PDHX: variants seen among roughly 807,000 people sequenced by gnomAD.
PDHX encodes pyruvate dehydrogenase protein X component, mitochondrial.
PDHX carries 33 observed loss-of-function variants against 55.3 expected under a neutral mutation model. That is an observed-to-expected ratio of 0.60 (90% CI 0.45 to 0.80). The LOEUF is 0.80. Among genes scored for constraint, PDHX ranks in the 30% least tolerant of loss-of-function variants. The pLI, the probability that PDHX is intolerant of heterozygous loss-of-function variation, is 0.00. For missense variants in PDHX, 622 were observed against 619.9 expected (o/e 1.00, Z -0.04); for synonymous variants, 226 against 219.4 (o/e 1.03, Z -0.27).
chr11:34,940,948 A>G (rs1267557210), intron 2 of PDHX, among the ~76,000 whole-genome samples: 1 of 152,216 alleles, frequency 6.6e-6, no homozygotes, highest in Non-Finnish European at 1.5e-5. Flanking sequence ...TTATTGCTAA[A>G]TCTTTGTATT....
intron 7 of PDHX, among the ~76,000 whole-genome samples, chr11:34,973,001 G>C (rs1172122395): frequency 6.6e-6 from 1 of 152,118 alleles, no homozygotes; most frequent in Non-Finnish European, 1.5e-5. Context: ...GGCCAAGCTG[G>C]TTAATAGTGT....
chr11:34,916,101 G>T (rs760871034), upstream of PDHX: 4 of 1,272,914 alleles, frequency 3.1e-6, no homozygotes, highest in African/African-American at 1.5e-5. Flanking sequence ...GGTAGCGAAC[G>T]GCCAGGCCCG....
At chr11:34,991,906 CAAAAA>C (rs1169109545) in intron 9 of PDHX, among the ~76,000 whole-genome samples, 2 of 37,314 alleles carry the variant, frequency 5.4e-5, no homozygotes, top group African/African-American at 6.2e-5. Context: ...TGAGACTTCT[CAAAAA>C]AAAAAAAAAA....
chr11:34,947,585 T>A lies in PDHX; in HGVS notation c.321T>A (p.Asp107Glu), dbSNP rs201359586. ...TGGTTACCTTAGATGCAAGTGATGA[T>A]GGAATCTTGGCCAAAATCGTGGTAA... ...KAVVTLDASD[D>E]GILAKIVVEE... Residue 107 changes from aspartate to glutamate, a missense_variant, in exon 3 of 11, where the codon GAT becomes GAA. Transcript: ENST00000227868. The A allele has an allele frequency of 6.2e-7, 1 of 1,611,318 alleles. No individual in the cohort carries two copies. The highest frequency in any genetic ancestry group is 2.2e-5 in the East Asian group (1 of 44,804).
intron 9 of PDHX, among the ~76,000 whole-genome samples, chr11:34,986,067 G>A (rs887834937): frequency 6.6e-6 from 1 of 152,210 alleles, no homozygotes; most frequent in Non-Finnish European, 1.5e-5. Context: ...CACTTTGGGA[G>A]GCTGAGGCAG....
chr11:34,931,878 A>C (rs1338478526), intron 2 of PDHX, among the ~76,000 whole-genome samples: 1 of 150,170 alleles, frequency 6.7e-6, no homozygotes, highest in South Asian at 2.1e-4. Context: ...GTTCATCATA[A>C]ATTTTATTGA....
At chr11:34,988,133 G>GA (rs1305794305) in intron 9 of PDHX, among the ~76,000 whole-genome samples, 1 of 152,128 alleles carries the variant, frequency 6.6e-6, no homozygotes, top group East Asian at 1.9e-4. Flanking sequence ...CGACCAGAGA[G>GA]AAAAAACTAA....
At chr11:34,950,659 AATG>A (rs1212481029) in intron 3 of PDHX, among the ~76,000 whole-genome samples, 1 of 151,522 alleles carries the variant, frequency 6.6e-6, no homozygotes, top group Non-Finnish European at 1.5e-5. Flanking sequence ...GTTTACTGAG[AATG>A]ATGATTTCCA....
At position 34,916,802 on chromosome 11, in the gene PDHX, G is replaced by A. The variant is rs1279247686; in HGVS notation, c.147G>A (p.Thr49=). The A allele has an allele frequency of 1.9e-6, 3 of 1,582,004 alleles. No individual in the cohort carries two copies. Among genetic ancestry groups the A allele is most frequent in the Non-Finnish European group, 2.6e-6 (3 of 1,164,524 alleles). Residue 49 remains threonine, a synonymous_variant, in exon 1 of 11, where the codon ACG becomes ACA. Coordinates refer to ENST00000227868, the MANE Select transcript of PDHX (RefSeq NM_003477.3). ...RGANWRWFHS[T]QWLRGDPIKI... is the part of the protein sequence containing the mutation. ...CTAATTGGAGATGGTTTCACAGCAC[G>A]CAGTGGCTTCGGGGTGAGTGGCCGG...
intron 3 of PDHX, among the ~76,000 whole-genome samples, chr11:34,951,892 A>G (rs1331096389): frequency 6.6e-6 from 1 of 152,128 alleles, no homozygotes; most frequent in South Asian, 2.1e-4. Context: ...TAAGGAAGGG[A>G]TCCAGTTTCA....
intron 2 of PDHX, among the ~76,000 whole-genome samples, chr11:34,937,128 T>C (rs533456447): frequency 1.3e-5 from 2 of 152,222 alleles, no homozygotes; most frequent in South Asian, 4.1e-4. Context: ...TTAGTAGCAT[T>C]GCGTTGAAAG....
At chr11:34,983,987 A>C (rs1422946424) in intron 8 of PDHX, among the ~76,000 whole-genome samples, 1 of 152,234 alleles carries the variant, frequency 6.6e-6, no homozygotes, top group Admixed American at 6.5e-5. Context: ...AGCCAAAAGA[A>C]CAAAGCTGGA....
chr11:34,951,776 C>G (rs1056069844), intron 3 of PDHX, among the ~76,000 whole-genome samples: 3 of 152,140 alleles, frequency 2.0e-5, no homozygotes, highest in Admixed American at 6.5e-5. Context: ...CTTGCCCATG[C>G]CTGTGTCCTG....
At chr11:34,943,648 C>T (rs1170212089) in intron 2 of PDHX, among the ~76,000 whole-genome samples, 1 of 152,140 alleles carries the variant, frequency 6.6e-6, no homozygotes, top group African/African-American at 2.4e-5. Flanking sequence ...CATTTTTGGT[C>T]TCTTCCTGCA....
At chr11:34,930,125 C>G (rs760184401) in intron 1 of PDHX, among the ~76,000 whole-genome samples, 1 of 152,140 alleles carries the variant, frequency 6.6e-6, no homozygotes, top group African/African-American at 2.4e-5. Context: ...AAGGCAGCGC[C>G]GTGTGTGTCT....
chr11:34,966,803 C>T lies in PDHX; in HGVS notation c.805C>T (p.Pro269Ser). Reference protein sequence around the residue: ...VIPPVSTPGQPNAVGTFTEIP... With the variant: ...VIPPVSTPGQSNAVGTFTEIP... ...CCCACCAGTATCAACTCCTGGACAA[C>T]CCAATGCAGTGGTAGTGTTCTCTAA... The change falls in exon 6 of 11, where the codon CCC becomes TCC. Residue 269 changes from proline to serine, a missense_variant. By Grantham distance (74) the Pro-to-Ser change is moderately conservative. Transcript: ENST00000227868. The T allele has an allele frequency of 2.5e-6, 4 of 1,613,372 alleles. No individual in the cohort carries two copies. Among genetic ancestry groups the T allele is most frequent in the Non-Finnish European group, 2.5e-6 (3 of 1,179,352 alleles).
At chr11:34,966,608 A>C in intron 5 of PDHX, 32 bp from the exon 6 acceptor site, 1 of 1,607,754 alleles carries the variant, frequency 6.2e-7, no homozygotes, top group Non-Finnish European at 8.5e-7. Flanking sequence ...CTTATTGCTA[A>C]TTATGGTTAT....
intron 4 of PDHX, among the ~76,000 whole-genome samples, chr11:34,958,814 C>T (rs1854959746): frequency 6.6e-6 from 1 of 152,124 alleles, no homozygotes; most frequent in Admixed American, 6.6e-5. Flanking sequence ...ATGAATCAGG[C>T]CCCACTGTGT....
At chr11:34,976,188 T>C (rs1185941238) in intron 7 of PDHX, among the ~76,000 whole-genome samples, 3 of 152,178 alleles carry the variant, frequency 2.0e-5, no homozygotes, top group African/African-American at 4.8e-5. Context: ...GGAATTTTCT[T>C]AAAAATCTTT....
Sources: allele counts gnomAD v4.1 joint callset (sites outside exome capture counted in the v4.1 genomes callset), GRCh38; gene constraint gnomAD v4.1.1; transcripts MANE v1.5; gene names NCBI Gene and HGNC (gene_info 2026-07-23, HGNC 2026-07-21).